The following ARL1 variants were observed in gnomAD, a reference collection of about 807,000 sequenced individuals.
The protein encoded by ARL1 is ARF like GTPase 1, also known as ADP-ribosylation factor-like protein 1.
A neutral mutation model predicts 30.1 loss-of-function variants in ARL1; 17 were observed. The ratio of observed to expected loss-of-function variants is 0.56; its 90% confidence interval spans 0.39 to 0.85. ARL1 has a LOEUF of 0.85. Among genes scored for constraint, ARL1 ranks in the 40% least tolerant of loss-of-function variants. The probability of loss-of-function intolerance (pLI) is 0.00; values close to 1 mark genes in which losing one functional copy is unlikely to be tolerated. For synonymous variants in ARL1, 58 were observed against 71.7 expected, an observed-to-expected ratio of 0.81 and a Z score of 0.97; for missense variants, 102 against 212.6, an observed-to-expected ratio of 0.48 and a Z score of 3.24.
At chr12:101,401,237 A>G in intron 3 of ARL1, 64 bp from the exon 4 acceptor site, 1 of 1,087,476 alleles carries the variant, frequency 9.2e-7, no homozygotes, top group Non-Finnish European at 1.4e-6. Context: ...TGACATATCA[A>G]TTGCCAATTC....
chr12:101,405,954 C>T lies in ARL1; in HGVS notation c.32G>A (p.Ser11Asn). The change falls in exon 2 of 6, where the codon AGT becomes AAT. Residue 11 changes from serine to asparagine, a missense_variant. By Grantham distance (46) the Ser-to-Asn change is conservative. Transcript: ENST00000261636. MGGFFSSIFS[S>N]LFGTREMRIL... The stretch of plus-strand genomic sequence containing the variant: ...TCTCATTTCCCGAGTTCCAAACAGA[C>T]TGGAAAATATACTTGAGAAAAAGCC... 6.4e-7 allele frequency: 1 copy of T among 1,568,156 alleles called. No individual in the cohort carries two copies.
chr12:101,397,856 C>A (rs528047141), intron 4 of ARL1, among the ~76,000 whole-genome samples: 3 of 152,058 alleles, frequency 2.0e-5, no homozygotes, highest in African/African-American at 4.8e-5. Context: ...TTTTCCCCTA[C>A]GAATTGCCTT....
intron 3 of ARL1, among the ~76,000 whole-genome samples, chr12:101,401,835 C>A (rs1565815724): frequency 6.6e-6 from 1 of 151,708 alleles, no homozygotes; most frequent in African/African-American, 2.4e-5. Context: ...ACTAGGCACC[C>A]CTTAAGAGGA....
intron 1 of ARL1, among the ~76,000 whole-genome samples, chr12:101,406,397 T>A (rs1399116760): frequency 6.6e-6 from 1 of 152,146 alleles, no homozygotes; most frequent in South Asian, 2.1e-4. Flanking sequence ...AGTACCACTA[T>A]AACCAACTTC....
chr12:101,395,569 A>G lies in ARL1; in HGVS notation c.*71T>C, dbSNP rs1158525168. The stretch of plus-strand genomic sequence containing the variant: ...ATAGTTTTAACATCTAGTAGTGTGA[A>G]GTACACTTGACTGTTTCCAAAGGGA... On this transcript the variant is annotated 3_prime_UTR_variant, in exon 6 of 6. Transcript: ENST00000261636. 3 of 1,241,354 alleles carry G rather than the reference A, an allele frequency of 2.4e-6. No homozygotes were observed. The highest frequency in any genetic ancestry group is 3.5e-6 in the Non-Finnish European group (3 of 864,640). The allele number at this position is 1,241,354 out of a possible 1,614,324, so 76.9% of individuals were successfully genotyped here.
At chr12:101,396,600 A>G (rs921366042) in intron 4 of ARL1, 23 bp from the exon 5 acceptor site, 2 of 1,596,354 alleles carry the variant, frequency 1.3e-6, no homozygotes, top group Non-Finnish European at 1.7e-6. Flanking sequence ...GAAAATATTT[A>G]ATTTCTTTTA....
chr12:101,401,052 G>A lies in ARL1; in HGVS notation c.336+10C>T, dbSNP rs768656070. On this transcript the variant is annotated intron_variant, in intron 4 of 5. Transcript: ENST00000261636. ...CTGCCCCACATTTTAAAGTGGTTAC[G>A]TTTTCTTACCTCCAACATGGCAACT... The A allele has an allele frequency of 1.9e-6, 3 of 1,591,782 alleles. No individual in the cohort carries two copies. The highest frequency in any genetic ancestry group is 2.6e-6 in the Non-Finnish European group (3 of 1,160,290).
Position 101,407,769 on chromosome 12 carries a change from C to A in ARL1, c.-124G>T. ...TTCCACGTCGGACTCCAGGCGGGGG[C>A]GGGAGCGAGGGTCAGCTGCGACTGC... On this transcript the variant is annotated 5_prime_UTR_variant, in exon 1 of 6. Coordinates refer to ENST00000261636, the MANE Select transcript of ARL1 (RefSeq NM_001177.6). 6.9e-7 allele frequency: 1 copy of A among 1,446,974 alleles called. No individual in the cohort carries two copies. The highest frequency in any genetic ancestry group is 1.1e-5 in the South Asian group (1 of 87,266). 89.6% of individuals were successfully genotyped at this position (1,446,974 alleles called of 1,614,324 possible). A position where few individuals can be genotyped will look rare whatever the true frequency, so the allele number is the denominator to read the frequency against.
At position 101,394,371 on chromosome 12, in the gene ARL1, A is replaced by G. The variant is rs1470717065; in HGVS notation, c.*1269T>C. On this transcript the variant is annotated 3_prime_UTR_variant, in exon 6 of 6. Coordinates refer to ENST00000261636, the MANE Select transcript of ARL1 (RefSeq NM_001177.6). ...AAAGAAATTCACCCTGTTTTTAGCA[A>G]TTATGACGCACTATATTTACTTCTG... The G allele has an allele frequency of 1.3e-5, 2 of 152,222 alleles. No individual in the cohort carries two copies. Among genetic ancestry groups the G allele is most frequent in the African/African-American group, 4.8e-5 (2 of 41,462 alleles). The allele number at this position is 152,222 out of a possible 1,614,324, so 9.4% of individuals were successfully genotyped here.
At chr12:101,395,836 G>A (rs1419078272) in intron 5 of ARL1, among the ~76,000 whole-genome samples, 166 bp from the exon 6 acceptor site, 1 of 152,092 alleles carries the variant, frequency 6.6e-6, no homozygotes, top group African/African-American at 2.4e-5. Flanking sequence ...TCTAAGCTTT[G>A]AATTTGTCTA....
At position 101,407,713 on chromosome 12, in the gene ARL1, G is replaced by A; in HGVS notation, c.-68C>T. On this transcript the variant is annotated 5_prime_UTR_variant, in exon 1 of 6. Coordinates refer to ENST00000261636, the MANE Select transcript of ARL1 (RefSeq NM_001177.6). Reference sequence around the variant, plus strand: ...TGGCCTTCGGCTGCAGCTCCGAGGCGGTTTCCTCGCAAGCCCAGTCAGCCA... The same window carrying A: ...TGGCCTTCGGCTGCAGCTCCGAGGCAGTTTCCTCGCAAGCCCAGTCAGCCA... 1.2e-6 allele frequency: 2 copies of A among 1,606,768 alleles called. No homozygotes were observed. The highest frequency in any genetic ancestry group is 1.7e-6 in the Non-Finnish European group (2 of 1,176,934).
chr12:101,396,626 C>T (rs755206038), intron 4 of ARL1, 49 bp from the exon 5 acceptor site: 22 of 1,497,590 alleles, frequency 1.5e-5, no homozygotes, highest in South Asian at 6.2e-5. Flanking sequence ...TGTGCTCTCT[C>T]GAGTTTAGAA....
Position 101,396,584 on chromosome 12 carries a change from G to A in ARL1, c.337-7C>T. The A allele has an allele frequency of 6.2e-7, 1 of 1,603,128 alleles. No homozygotes were observed. The highest frequency in any genetic ancestry group is 8.5e-7 in the Non-Finnish European group (1 of 1,173,266). On this transcript the variant is annotated splice_region_variant and splice_polypyrimidine_tract_variant and intron_variant, in intron 4 of 5. Transcript: ENST00000261636. ...CTTTTCTCAGCTCTTCTTCCTAAAT[G>A]AAATTGAAAATATTTAATTTCTTTT...
In ARL1 at chr12:101,401,222, GAA is replaced by G. The variant is rs747155170; in HGVS notation, c.225-51_225-50del. 4 of 1,312,992 alleles carry G rather than the reference GAA, an allele frequency of 3.0e-6. No homozygotes were observed. In the East Asian group the frequency reaches 7.0e-5, roughly 23 times the overall value. The allele number at this position is 1,312,992 out of a possible 1,614,324, so 81.3% of individuals were successfully genotyped here. The stretch of plus-strand genomic sequence containing the variant: ...AACATATTGTTATTGTTTTAAGGAA[GAA>G]ACTGACATATCAATTGCCAATTCTG... On this transcript the variant is annotated intron_variant, in intron 3 of 5. Coordinates refer to ENST00000261636, the MANE Select transcript of ARL1 (RefSeq NM_001177.6).
At chr12:101,402,322 G>C (rs1014857390) in intron 3 of ARL1, among the ~76,000 whole-genome samples, 7 of 152,126 alleles carry the variant, frequency 4.6e-5, no homozygotes, top group Non-Finnish European at 8.8e-5. Flanking sequence ...CCAGGTAGCT[G>C]GAATTATAGG....
At chr12:101,396,600 A>C in intron 4 of ARL1, 23 bp from the exon 5 acceptor site, 3 of 1,596,474 alleles carry the variant, frequency 1.9e-6, no homozygotes, top group Non-Finnish European at 2.6e-6. Context: ...GAAAATATTT[A>C]ATTTCTTTTA....
chr12:101,398,987 C>G (rs903906117), intron 4 of ARL1, among the ~76,000 whole-genome samples: 10 of 152,022 alleles, frequency 6.6e-5, no homozygotes, highest in Non-Finnish European at 1.2e-4. Flanking sequence ...TAAAAATACA[C>G]TATATCATGT....
rs1271231963 is a variant in ARL1, at chr12:101,395,352, T to C, written c.*288A>G. 9.2e-6 allele frequency: 3 copies of C among 324,810 alleles called. No homozygotes were observed. The highest frequency in any genetic ancestry group is 6.4e-5 in the African/African-American group (3 of 46,934). 20.1% of individuals were successfully genotyped at this position (324,810 alleles called of 1,614,324 possible). On this transcript the variant is annotated 3_prime_UTR_variant, in exon 6 of 6. Transcript: ENST00000261636. ...TTTTTCATCCAATAGGAGTATACTCTTTAATAGAACTGTATTTGAATAAGA... is the reference window on the plus strand; with the variant it reads ...TTTTTCATCCAATAGGAGTATACTCCTTAATAGAACTGTATTTGAATAAGA...
At chr12:101,398,348 A>G (rs181462894) in intron 4 of ARL1, among the ~76,000 whole-genome samples, 4,618 of 150,834 alleles carry the variant, frequency 0.031, 118 homozygotes, top group South Asian at 0.047. Flanking sequence ...GTGAGCCGAG[A>G]TTGCACCACT....
Sources: allele counts gnomAD v4.1 joint callset (sites outside exome capture counted in the v4.1 genomes callset), GRCh38; gene constraint gnomAD v4.1.1; transcripts MANE v1.5; gene names NCBI Gene and HGNC (gene_info 2026-07-23, HGNC 2026-07-21).